RUNX1T1: variants seen among roughly 807,000 people sequenced by gnomAD.
RUNX1T1 encodes the protein RUNX1 partner transcriptional co-repressor 1.
RUNX1T1 carries 4 observed loss-of-function variants against 62.8 expected under a neutral mutation model. That is an observed-to-expected ratio of 0.06 (90% CI 0.03 to 0.15). RUNX1T1 has a LOEUF of 0.15. RUNX1T1 is among the 10% of genes least tolerant of loss of function. The pLI, the probability that RUNX1T1 is intolerant of heterozygous loss-of-function variation, is 1.00. For missense variants in RUNX1T1, 508 were observed against 754.3 expected, an observed-to-expected ratio of 0.67 and a Z score of 3.82; for synonymous variants, 291 against 286.0, an observed-to-expected ratio of 1.02 and a Z score of -0.18.
In RUNX1T1 at chr8:92,037,606, G is replaced by A. The variant is rs780250634; in HGVS notation, c.8-20243C>T. On this transcript the variant is annotated intron_variant, in intron 1 of 10. Coordinates refer to ENST00000396218, the Ensembl canonical transcript of RUNX1T1. ...ATGTGGGAGGACTGCTTGAGACCGG[G>A]AGGTCAAGGCTGCAGTGAGCCATAA... is the stretch of plus-strand genomic sequence containing the variant. Among the ~76,000 whole-genome samples the A allele has an allele frequency of 3.9e-5, 6 of 152,172 alleles. 1 individual carries two copies. Among genetic ancestry groups the A allele is most frequent in the South Asian group, 4.1e-4 (2 of 4,832 alleles).
intron 2 of RUNX1T1, among the ~76,000 whole-genome samples, chr8:92,072,563 A>C (rs1833842882): frequency 6.6e-6 from 1 of 152,264 alleles, no homozygotes; most frequent in South Asian, 2.1e-4. Context: ...AGAATACAAA[A>C]GCATGCCTGC....
intron 1 of RUNX1T1, among the ~76,000 whole-genome samples, chr8:92,030,119 G>C (rs1378952666): frequency 6.6e-6 from 1 of 151,966 alleles, no homozygotes; most frequent in Non-Finnish European, 1.5e-5. Flanking sequence ...TCACCTCAGG[G>C]CCTTTCCCTC....
chr8:92,030,839 C>G (rs1425529455), intron 1 of RUNX1T1, among the ~76,000 whole-genome samples: 1 of 152,200 alleles, frequency 6.6e-6, no homozygotes, highest in Non-Finnish European at 1.5e-5. Context: ...TGGCTTCAAC[C>G]TGTCTGGCGT....
intron 1 of RUNX1T1, among the ~76,000 whole-genome samples, chr8:92,050,601 T>C (rs1431373686): frequency 6.6e-6 from 1 of 152,142 alleles, no homozygotes; most frequent in African/African-American, 2.4e-5. Flanking sequence ...AAATCAAACA[T>C]AAAGCAAATG....
At chr8:91,978,652 C>T (rs1253966532) in intron 8 of RUNX1T1, among the ~76,000 whole-genome samples, 1 of 152,146 alleles carries the variant, frequency 6.6e-6, no homozygotes, top group East Asian at 1.9e-4. Context: ...CTGCCTTTGT[C>T]CTTGGAAGCA....
At chr8:92,031,716 TGCCTCG>T (rs1432549997) in intron 1 of RUNX1T1, among the ~76,000 whole-genome samples, 3 of 152,122 alleles carry the variant, frequency 2.0e-5, no homozygotes, top group African/African-American at 7.2e-5. Flanking sequence ...GCAATCCTCC[TGCCTCG>T]GCCTTCCAAA....
intron 1 of RUNX1T1, among the ~76,000 whole-genome samples, chr8:92,018,487 A>G (rs1823454263): frequency 6.6e-6 from 1 of 152,196 alleles, no homozygotes; most frequent in African/African-American, 2.4e-5. Context: ...ACACACACAC[A>G]CCCAACGTAT....
intron 10 of RUNX1T1, among the ~76,000 whole-genome samples, chr8:91,962,997 A>G (rs1166885180): frequency 2.0e-5 from 3 of 152,210 alleles, no homozygotes; most frequent in Non-Finnish European, 4.4e-5. Flanking sequence ...ACACAGACTA[A>G]ACCAGGTAAT....
intron 1 of RUNX1T1, 37 bp from the exon 2 acceptor site, chr8:92,076,174 T>G (rs1834389912): frequency 1.4e-6 from 2 of 1,451,514 alleles, no homozygotes; most frequent in South Asian, 3.0e-5. Context: ...AATGCATATA[T>G]CACAACCAGT....
intron 1 of RUNX1T1, among the ~76,000 whole-genome samples, chr8:92,085,819 G>A (rs1351382675): frequency 6.6e-6 from 1 of 152,056 alleles, no homozygotes; most frequent in Non-Finnish European, 1.5e-5. Context: ...TCACATAGGG[G>A]TCAACTAAGA....
At chr8:92,095,554 T>A in intron 1 of RUNX1T1, 3 of 1,456,360 alleles carry the variant, frequency 2.1e-6, no homozygotes, top group Admixed American at 2.5e-5. Flanking sequence ...AGGGCCCAGA[T>A]GGAGGCAGGA....
At position 92,034,767 on chromosome 8, in the gene RUNX1T1, C is replaced by CAT. The variant is rs541671575; in HGVS notation, c.8-17406_8-17405dup. Among the ~76,000 whole-genome samples the CAT allele has an allele frequency of 2.2e-3, 308 of 139,586 alleles. 3 individuals are homozygous for CAT. Among genetic ancestry groups the CAT allele is most frequent in the African/African-American group, 7.3e-3 (285 of 38,924 alleles). The allele number at this position is 139,586 out of a possible 152,430, so 91.6% of individuals were successfully genotyped here. ...ATACACATATATATACACACATATA[C>CAT]ATATATATACACATATATATATACA... On this transcript the variant is annotated intron_variant, in intron 1 of 10. Transcript: ENST00000396218.
chr8:92,030,378 A>G (rs1826004467), intron 1 of RUNX1T1, among the ~76,000 whole-genome samples: 1 of 152,212 alleles, frequency 6.6e-6, no homozygotes, highest in Admixed American at 6.5e-5. Flanking sequence ...AACGTATCAC[A>G]TTGCCAAGTA....
intron 8 of RUNX1T1, among the ~76,000 whole-genome samples, chr8:91,978,709 C>G (rs1234234750): frequency 6.6e-5 from 10 of 152,142 alleles, no homozygotes; most frequent in African/African-American, 2.4e-4. Context: ...TTTACTTGAG[C>G]CTCACCCATG....
At chr8:92,099,529 C>T in intron 1 of RUNX1T1, 1 of 674,296 alleles carries the variant, frequency 1.5e-6, no homozygotes, top group Non-Finnish European at 1.8e-6. Flanking sequence ...CCTTTAAATG[C>T]CCAAACAGCA....
At chr8:92,007,189 T>C (rs1322283201) in intron 4 of RUNX1T1, among the ~76,000 whole-genome samples, 1 of 152,136 alleles carries the variant, frequency 6.6e-6, no homozygotes, top group African/African-American at 2.4e-5. Flanking sequence ...GGGCTGGGTG[T>C]AGTGGCTTGC....
chr8:92,028,631 A>C (rs377588556), intron 1 of RUNX1T1, among the ~76,000 whole-genome samples: 4 of 152,232 alleles, frequency 2.6e-5, no homozygotes, highest in African/African-American at 9.6e-5. Context: ...TCATTTAAAA[A>C]TAAGGGTCCT....
intron 1 of RUNX1T1, among the ~76,000 whole-genome samples, chr8:92,090,259 G>A (rs977044706): frequency 6.6e-6 from 1 of 150,688 alleles, no homozygotes; most frequent in African/African-American, 2.4e-5. Flanking sequence ...TTTTTTTCCA[G>A]CAGTAAAGGT....
intron 10 of RUNX1T1, among the ~76,000 whole-genome samples, chr8:91,969,124 T>C (rs777979662): frequency 2.6e-5 from 4 of 152,106 alleles, no homozygotes; most frequent in Non-Finnish European, 5.9e-5. Flanking sequence ...ACATTAGTAG[T>C]AGATATGACT....
Sources: allele counts gnomAD v4.1 joint callset (sites outside exome capture counted in the v4.1 genomes callset), GRCh38; gene constraint gnomAD v4.1.1; transcripts MANE v1.5; gene names NCBI Gene and HGNC (gene_info 2026-07-23, HGNC 2026-07-21).